The following FAT3 variants were observed in gnomAD, a reference collection of about 807,000 sequenced individuals.
FAT3 encodes FAT atypical cadherin 3.
Under a neutral mutation model 310.2 loss-of-function variants are expected in FAT3, and 95 were observed. The observed-to-expected ratio is 0.31, with a 90% CI of 0.26 to 0.36. The LOEUF (loss-of-function observed/expected upper bound fraction) is 0.36. FAT3 is among the 10% of genes least tolerant of loss of function. The probability of loss-of-function intolerance (pLI) is 1.00; values close to 1 mark genes in which losing one functional copy is unlikely to be tolerated. For missense variants in FAT3, 5,408 were observed against 5,715.6 expected (o/e 0.95, Z 1.74); for synonymous variants, 2,314 against 2,192.9 (o/e 1.06, Z -1.54).
intron 21 of FAT3, 52 bp from the exon 22 acceptor site, chr11:92,866,689 C>T (rs2136346394): frequency 6.6e-7 from 1 of 1,525,036 alleles, no homozygotes; most frequent in Non-Finnish European, 8.9e-7. Flanking sequence ...GTGTAGGGAA[C>T]ATATTCCCAG....
chr11:92,861,504 G>A (rs1257049466), intron 21 of FAT3, among the ~76,000 whole-genome samples: 2 of 152,210 alleles, frequency 1.3e-5, no homozygotes, highest in African/African-American at 4.8e-5. Context: ...TGAAAGTTGT[G>A]TAAATTGAAT....
At position 92,352,674 on chromosome 11, in the gene FAT3, G is replaced by C. The variant is rs979773508; in HGVS notation, c.562G>C (p.Gly188Arg). The change falls in exon 2 of 28, where the codon GGT becomes CGT. Residue 188 changes from glycine to arginine, a missense_variant. By Grantham distance (125) the Gly-to-Arg change is moderately radical. Transcript: ENST00000525166. ...AQVTATDADI[G>R]SNGEFYYYFK... ...GGTGACTGCAACAGACGCAGATATT[G>C]GTTCCAATGGAGAATTCTACTACTA... 1 of 1,613,786 alleles carries C rather than the reference G, an allele frequency of 6.2e-7. No homozygotes were observed. The highest frequency in any genetic ancestry group is 8.5e-7 in the Non-Finnish European group (1 of 1,179,848).
chr11:92,674,132 G>C (rs1228609183), intron 3 of FAT3, among the ~76,000 whole-genome samples: 1 of 151,392 alleles, frequency 6.6e-6, no homozygotes, highest in Non-Finnish European at 1.5e-5. Context: ...AGTGAGCTGA[G>C]ATCATGCCAT....
intron 2 of FAT3, among the ~76,000 whole-genome samples, chr11:92,464,255 A>G (rs954840939): frequency 6.6e-6 from 1 of 152,216 alleles, no homozygotes; most frequent in African/African-American, 2.4e-5. Flanking sequence ...GTCACAAGTT[A>G]GAGCAAACCA....
chr11:92,480,305 T>C (rs1402942144), intron 2 of FAT3, among the ~76,000 whole-genome samples: 1 of 151,924 alleles, frequency 6.6e-6, no homozygotes, highest in Non-Finnish European at 1.5e-5. Flanking sequence ...GCATGCAAAC[T>C]TTAAATTGGA....
chr11:92,333,684 T>G (rs1417302496), intron 1 of FAT3, among the ~76,000 whole-genome samples: 1 of 152,126 alleles, frequency 6.6e-6, no homozygotes, highest in Non-Finnish European at 1.5e-5. Context: ...ATGTTCAAAT[T>G]ATCATTCTCT....
At chr11:92,551,049 C>G (rs1954797659) in intron 3 of FAT3, among the ~76,000 whole-genome samples, 1 of 151,984 alleles carries the variant, frequency 6.6e-6, no homozygotes. Flanking sequence ...CAAGATGAGG[C>G]TGAGTCTCAG....
chr11:92,824,321 C>T (rs1948048074), intron 13 of FAT3, among the ~76,000 whole-genome samples: 2 of 152,018 alleles, frequency 1.3e-5, no homozygotes. Context: ...CACACCACTG[C>T]ACTCCAGCCT....
At chr11:92,682,564 A>T (rs948873828) in intron 3 of FAT3, among the ~76,000 whole-genome samples, 1 of 152,164 alleles carries the variant, frequency 6.6e-6, no homozygotes, top group Non-Finnish European at 1.5e-5. Flanking sequence ...TTGACAATCT[A>T]CCATTTGGGA....
chr11:92,581,958 G>T (rs1048198661), intron 3 of FAT3, among the ~76,000 whole-genome samples: 3 of 152,008 alleles, frequency 2.0e-5, no homozygotes, highest in African/African-American at 7.2e-5. Flanking sequence ...TAAGAGAGTG[G>T]CTGCTTCATA....
At chr11:92,681,211 G>C (rs1323182140) in intron 3 of FAT3, among the ~76,000 whole-genome samples, 1 of 152,182 alleles carries the variant, frequency 6.6e-6, no homozygotes, top group African/African-American at 2.4e-5. Flanking sequence ...CTAGACAATA[G>C]ATAAGTGAAC....
At chr11:92,366,427 G>T in intron 2 of FAT3, 1 of 350,112 alleles carries the variant, frequency 2.9e-6, no homozygotes, top group South Asian at 2.2e-5. Flanking sequence ...ATGTCCAGGA[G>T]GGAGGTGCAC....
chr11:92,373,760 G>GCACACACA (rs57651290), intron 2 of FAT3, among the ~76,000 whole-genome samples: 240 of 130,062 alleles, frequency 1.8e-3, no homozygotes, highest in East Asian at 6.2e-3. Flanking sequence ...AGATATGTAT[G>GCACACACA]CACACACACA....
At chr11:92,487,419 G>A (rs1273659690) in intron 2 of FAT3, among the ~76,000 whole-genome samples, 3 of 152,120 alleles carry the variant, frequency 2.0e-5, no homozygotes, top group Non-Finnish European at 2.9e-5. Flanking sequence ...ATAACTGAGT[G>A]CCTTACATAT....
At chr11:92,823,333 A>T (rs529527746) in intron 13 of FAT3, among the ~76,000 whole-genome samples, 2 of 152,332 alleles carry the variant, frequency 1.3e-5, no homozygotes, top group East Asian at 3.9e-4. Flanking sequence ...TCCCAGGTGT[A>T]GCTTCATGCC....
intron 1 of FAT3, among the ~76,000 whole-genome samples, chr11:92,268,469 CCTT>C (rs1277834831): frequency 6.9e-6 from 1 of 144,972 alleles, no homozygotes; most frequent in African/African-American, 2.6e-5. Context: ...GTATAGATTT[CCTT>C]TTTTTTTTTT....
chr11:92,673,804 G>T (rs1162851741), intron 3 of FAT3, among the ~76,000 whole-genome samples: 1 of 152,046 alleles, frequency 6.6e-6, no homozygotes, highest in African/African-American at 2.4e-5. Flanking sequence ...TCTGAACATT[G>T]GTAGGAAACC....
Position 92,844,555 on chromosome 11 carries a change from G to A in FAT3, c.11188G>A (p.Glu3730Lys). The change falls in exon 19 of 28, where the codon GAG (glutamate) becomes AAG (lysine). Residue 3730 changes from glutamate to lysine, a missense_variant. Around this residue, in one of 5 missense-constraint regions of FAT3, gnomAD observed 4,588 missense variants for 4,809.8 expected, o/e 0.95. Transcript: ENST00000525166. The part of the protein sequence containing the change: ...QKLSNARRHL[E>K]NIMRISAILE... ...GCTGTCCAATGCTAGAAGACACCTG[G>A]AGAATATCATGCGCATCTCAGCCAT... The A allele has an allele frequency of 6.2e-7, 1 of 1,614,024 alleles. No individual in the cohort carries two copies. Among genetic ancestry groups the A allele is most frequent in the Non-Finnish European group, 8.5e-7 (1 of 1,179,902 alleles).
At chr11:92,701,362 G>T (rs1351327885) in intron 4 of FAT3, among the ~76,000 whole-genome samples, 10 of 152,172 alleles carry the variant, frequency 6.6e-5, no homozygotes, top group Admixed American at 6.5e-4. Flanking sequence ...TGGTGTATGG[G>T]CTGCAAGGGT....
Sources: gnomAD v4.1 joint callset for allele counts (sites outside exome capture counted in the v4.1 genomes callset) on GRCh38, gnomAD v4.1.1 for gene constraint, gnomAD v4.1.1 regional missense constraint, MANE v1.5 for transcripts, NCBI Gene and HGNC (gene_info 2026-07-23, HGNC 2026-07-21) for gene names.